The following FAF1 variants were observed in gnomAD, a reference collection of about 807,000 sequenced individuals.
FAF1 encodes the protein Fas associated factor 1, also known as FAS-associated factor 1.
A neutral mutation model predicts 92.5 loss-of-function variants in FAF1; 25 were observed. The ratio of observed to expected loss-of-function variants is 0.27; its 90% CI spans 0.20 to 0.38. The LOEUF is 0.38. Among genes scored for constraint, FAF1 ranks in the 10% least tolerant of loss-of-function variants. The probability of loss-of-function intolerance (pLI) is 1.00; values close to 1 mark genes in which losing one functional copy is unlikely to be tolerated. For synonymous variants in FAF1, 234 were observed against 273.2 expected (o/e 0.86, Z 1.42); for missense variants, 636 against 793.3 (o/e 0.80, Z 2.38).
intron 2 of FAF1, among the ~76,000 whole-genome samples, chr1:50,835,898 C>T (rs1243687314): frequency 6.6e-6 from 1 of 152,046 alleles, no homozygotes; most frequent in African/African-American, 2.4e-5. Flanking sequence ...AAAAAAGGAA[C>T]AATTTTGTGG....
At chr1:50,481,095 ATG>A (rs1485787504) in intron 17 of FAF1, among the ~76,000 whole-genome samples, 2 of 152,212 alleles carry the variant, frequency 1.3e-5, no homozygotes, top group Non-Finnish European at 2.9e-5. Flanking sequence ...CAGCTGTACA[ATG>A]TGTGTTTTAA....
At chr1:50,664,995 A>G (rs937124196) in intron 7 of FAF1, among the ~76,000 whole-genome samples, 1 of 152,268 alleles carries the variant, frequency 6.6e-6, no homozygotes, top group African/African-American at 2.4e-5. Flanking sequence ...TTAGTAAATA[A>G]TATGAAAAAA....
chr1:50,682,274 C>T (rs946567626), intron 7 of FAF1, among the ~76,000 whole-genome samples: 1 of 151,892 alleles, frequency 6.6e-6, no homozygotes, highest in Non-Finnish European at 1.5e-5. Context: ...CCAAGGTGGG[C>T]CCATCGCTTG....
At chr1:50,934,599 C>T (rs1411862602) in intron 1 of FAF1, among the ~76,000 whole-genome samples, 1 of 152,134 alleles carries the variant, frequency 6.6e-6, no homozygotes, top group Non-Finnish European at 1.5e-5. Context: ...TGGTGCACAC[C>T]TGTGGTCTCA....
chr1:50,457,865 C>CA (rs78520067), intron 18 of FAF1, among the ~76,000 whole-genome samples: 2,390 of 59,220 alleles, frequency 0.04, 34 homozygotes, highest in African/African-American at 0.08. Context: ...ACCCTGTCTC[C>CA]AAAAAAAAAA....
At chr1:50,477,607 T>A (rs955791827) in intron 17 of FAF1, among the ~76,000 whole-genome samples, 3 of 152,198 alleles carry the variant, frequency 2.0e-5, no homozygotes, top group Non-Finnish European at 4.4e-5. Flanking sequence ...ATTAAACTAT[T>A]TTAGTAACAT....
At chr1:50,510,240 T>C (rs1444099268) in intron 15 of FAF1, among the ~76,000 whole-genome samples, 1 of 151,576 alleles carries the variant, frequency 6.6e-6, no homozygotes, top group Non-Finnish European at 1.5e-5. Context: ...GAAATCAATA[T>C]ATCACATAGC....
In FAF1 at chr1:50,792,458, T is replaced by C. The variant is rs150951014; in HGVS notation, c.162-4253A>G. Reference sequence around the variant, plus strand: ...TCTCCCATGACTGAGAAGGCTAGCCTCCACTTCTGTGAAAGCTCTTAGCTT... The same window carrying C: ...TCTCCCATGACTGAGAAGGCTAGCCCCCACTTCTGTGAAAGCTCTTAGCTT... On this transcript the variant is annotated intron_variant, in intron 3 of 18. Coordinates refer to ENST00000396153, the MANE Select transcript of FAF1 (RefSeq NM_007051.3). 4.2e-3 allele frequency among the ~76,000 whole-genome samples: 638 copies of C among 152,316 alleles called. 8 individuals are homozygous for C. The highest frequency in any genetic ancestry group is 0.014 in the African/African-American group (577 of 41,576).
chr1:50,444,745 C>G (rs1646208750), intron 18 of FAF1, among the ~76,000 whole-genome samples: 1 of 152,176 alleles, frequency 6.6e-6, no homozygotes, highest in Non-Finnish European at 1.5e-5. Context: ...GACCTCACAA[C>G]AGCTCAGTGA....
chr1:50,814,786 G>C (rs1450940376), intron 2 of FAF1, among the ~76,000 whole-genome samples: 1 of 152,130 alleles, frequency 6.6e-6, no homozygotes, highest in Admixed American at 6.5e-5. Context: ...CAAATCATTA[G>C]AGAAAAGCAA....
intron 3 of FAF1, among the ~76,000 whole-genome samples, chr1:50,792,782 AGATGACAC>A (rs1179125987): frequency 2.6e-5 from 4 of 152,136 alleles, no homozygotes; most frequent in Non-Finnish European, 5.9e-5. Flanking sequence ...TGACATGGGG[AGATGACAC>A]GATTGAGAAA....
intron 8 of FAF1, among the ~76,000 whole-genome samples, chr1:50,646,343 A>G (rs1260875456): frequency 3.9e-5 from 6 of 152,206 alleles, no homozygotes; most frequent in Non-Finnish European, 8.8e-5. Flanking sequence ...TAAAATGCTT[A>G]GTTTTGATAA....
chr1:50,760,728 G>C (rs1218264266), intron 4 of FAF1, among the ~76,000 whole-genome samples: 1 of 152,042 alleles, frequency 6.6e-6, no homozygotes. Context: ...GCCCACAAGA[G>C]AAAGCTGGAA....
chr1:50,572,392 A>G (rs1455429149), intron 12 of FAF1, among the ~76,000 whole-genome samples: 2 of 152,184 alleles, frequency 1.3e-5, no homozygotes, highest in East Asian at 3.8e-4. Context: ...TTACAATATC[A>G]TCTAATAAAC....
chr1:50,945,048 A>T (rs1206965379), intron 1 of FAF1, among the ~76,000 whole-genome samples: 2 of 152,194 alleles, frequency 1.3e-5, no homozygotes, highest in Non-Finnish European at 2.9e-5. Context: ...TCGTTGAGTC[A>T]ATTTTTGAAG....
intron 16 of FAF1, 68 bp downstream of exon 16, chr1:50,491,653 G>T: frequency 8.9e-7 from 1 of 1,122,584 alleles, no homozygotes; most frequent in Non-Finnish European, 1.3e-6. Flanking sequence ...GGATCAAAGT[G>T]ATAAAGGTTG....
chr1:50,700,755 C>T (rs1247597961), intron 7 of FAF1, among the ~76,000 whole-genome samples: 1 of 152,050 alleles, frequency 6.6e-6, no homozygotes, highest in Non-Finnish European at 1.5e-5. Context: ...GTTCTTAATT[C>T]TTAAAATGTC....
intron 9 of FAF1, among the ~76,000 whole-genome samples, chr1:50,591,720 AAAT>A (rs1651525192): frequency 4.6e-5 from 7 of 151,712 alleles, no homozygotes; most frequent in Admixed American, 2.6e-4. Flanking sequence ...CTACAGTTCC[AAAT>A]TCTCAATGTG....
chr1:50,637,677 A>ATGTGTGTGTGTGTGTG (rs1290887015), intron 8 of FAF1, among the ~76,000 whole-genome samples: 3 of 95,272 alleles, frequency 3.1e-5, no homozygotes, highest in Non-Finnish European at 7.0e-5. Flanking sequence ...TCACACATAT[A>ATGTGTGTGTGTGTGTG]TATATGTGTG....
Sources: gnomAD v4.1 joint callset for allele counts (sites outside exome capture counted in the v4.1 genomes callset) on GRCh38, gnomAD v4.1.1 for gene constraint, MANE v1.5 for transcripts, NCBI Gene and HGNC (gene_info 2026-07-23, HGNC 2026-07-21) for gene names.